Variants in GLT8D2 observed in about 807,000 individuals in gnomAD.
GLT8D2 encodes the protein glycosyltransferase 8 domain containing 2, also known as glycosyltransferase 8 domain-containing protein 2.
A neutral mutation model predicts 44.5 loss-of-function variants in GLT8D2; 45 were observed. That is an observed-to-expected ratio of 1.01 (90% CI 0.80 to 1.30). The LOEUF (loss-of-function observed/expected upper bound fraction) is 1.30, where lower values mean the gene tolerates loss of function less well. Among genes scored for constraint, GLT8D2 ranks in the 50% most tolerant of loss-of-function variants. The pLI, the probability that GLT8D2 is intolerant of heterozygous loss-of-function variation, is 0.00. For synonymous variants in GLT8D2, 156 were observed against 157.2 expected (o/e 0.99, Z 0.06); for missense variants, 400 against 430.4 (o/e 0.93, Z 0.62).
intron 1 of GLT8D2, among the ~76,000 whole-genome samples, chr12:104,034,486 A>G (rs1327966705): frequency 1.3e-5 from 2 of 152,266 alleles, no homozygotes; most frequent in African/African-American, 2.4e-5. Context: ...CCAGGAGATT[A>G]CATCCTGTGC....
intron 1 of GLT8D2, among the ~76,000 whole-genome samples, chr12:104,021,811 GAAAGA>G (rs1009080211): frequency 4.2e-5 from 6 of 142,882 alleles, no homozygotes; most frequent in Non-Finnish European, 7.6e-5. Flanking sequence ...AGACAGAGAA[GAAAGA>G]AAAGAAAAGA....
intron 1 of GLT8D2, among the ~76,000 whole-genome samples, chr12:104,040,449 G>A (rs1029026482): frequency 7.2e-5 from 11 of 151,832 alleles, no homozygotes; most frequent in Non-Finnish European, 1.0e-4. Context: ...CTTTTGGGAC[G>A]AAGTCTTGTT....
At chr12:104,023,674 G>A (rs528490758) in intron 1 of GLT8D2, among the ~76,000 whole-genome samples, 5 of 152,146 alleles carry the variant, frequency 3.3e-5, no homozygotes, top group African/African-American at 9.6e-5. Flanking sequence ...CCCTTGCACC[G>A]CCACTTTGTA....
At chr12:104,028,996 A>G (rs892942554) in intron 1 of GLT8D2, among the ~76,000 whole-genome samples, 25 of 152,106 alleles carry the variant, frequency 1.6e-4, no homozygotes, top group African/African-American at 5.8e-4. Flanking sequence ...AATGAAATGG[A>G]AAGTGTGAAC....
intron 1 of GLT8D2, 35 bp from the exon 2 acceptor site, chr12:104,021,526 G>C (rs1344052786): frequency 6.6e-6 from 1 of 152,314 alleles, no homozygotes; most frequent in East Asian, 1.9e-4. Context: ...ACTGGGCGTG[G>C]TGGCTCACTT....
At chr12:104,011,463 A>G (rs1875815821) in intron 4 of GLT8D2, among the ~76,000 whole-genome samples, 1 of 152,144 alleles carries the variant, frequency 6.6e-6, no homozygotes, top group Non-Finnish European at 1.5e-5. Flanking sequence ...TCAGAATTCC[A>G]TTTCAAATAA....
rs1873483661 is a variant in GLT8D2 at position 103,996,809 on chromosome 12, C to T, written c.526G>A (p.Gly176Ser). 6.2e-7 allele frequency: 1 copy of T among 1,614,046 alleles called. No individual in the cohort carries two copies. The highest frequency in any genetic ancestry group is 8.5e-7 in the Non-Finnish European group (1 of 1,179,954). ...QELYDTTLAL[G>S]HAAAFSDDCD... is the part of the protein sequence containing the mutation. ...TCATCTGAGAAAGCCGCCGCGTGGC[C>T]CAGGGCCAAGGTGGTGTCATACAGT... is the stretch of plus-strand genomic sequence containing the variant. Residue 176 changes from glycine to serine, a missense_variant, in exon 8 of 11, where the codon GGC becomes AGC. Physicochemically the swap from Gly to Ser is moderately conservative, Grantham distance 56 (BLOSUM62 0). Coordinates refer to ENST00000360814, the MANE Select transcript of GLT8D2 (RefSeq NM_001384711.1).
intron 1 of GLT8D2, among the ~76,000 whole-genome samples, chr12:104,046,644 T>C (rs1881178700): frequency 6.6e-6 from 1 of 152,210 alleles, no homozygotes; most frequent in Non-Finnish European, 1.5e-5. Context: ...GAGCACTTCA[T>C]TTTAAGCTAT....
intron 1 of GLT8D2, among the ~76,000 whole-genome samples, chr12:104,056,850 C>G (rs1172236090): frequency 2.0e-5 from 3 of 152,254 alleles, no homozygotes; most frequent in African/African-American, 4.8e-5. Context: ...CACTGGACAT[C>G]TGTTATTTAG....
chr12:104,021,880 A>AAGG (rs1436374385), intron 1 of GLT8D2, among the ~76,000 whole-genome samples: 2 of 6,826 alleles, frequency 2.9e-4, no homozygotes, highest in Non-Finnish European at 2.6e-4. Flanking sequence ...GAAGAAGAAG[A>AAGG]AGAAGAAGAA....
intron 8 of GLT8D2, among the ~76,000 whole-genome samples, chr12:103,995,298 CTA>C (rs917898303): frequency 6.6e-6 from 1 of 152,184 alleles, no homozygotes; most frequent in African/African-American, 2.4e-5. Context: ...CTGCCATACC[CTA>C]TATCATCTGA....
At chr12:103,993,663 A>G (rs1173098733) in intron 9 of GLT8D2, among the ~76,000 whole-genome samples, 159 bp from the exon 10 acceptor site, 1 of 152,230 alleles carries the variant, frequency 6.6e-6, no homozygotes, top group Non-Finnish European at 1.5e-5. Flanking sequence ...AAAATTGTCA[A>G]ACATACACAA....
intron 1 of GLT8D2, among the ~76,000 whole-genome samples, chr12:104,048,860 C>A (rs1463895861): frequency 6.6e-6 from 1 of 152,176 alleles, no homozygotes; most frequent in Non-Finnish European, 1.5e-5. Flanking sequence ...GACATTAGGT[C>A]ATGTAATTTC....
chr12:104,033,126 C>A (rs191579356), intron 1 of GLT8D2, among the ~76,000 whole-genome samples: 4 of 152,080 alleles, frequency 2.6e-5, no homozygotes, highest in African/African-American at 4.8e-5. Context: ...AGGTGATCTG[C>A]CCACCTCAGC....
intron 3 of GLT8D2, 24 bp downstream of exon 3, chr12:104,019,606 T>C (rs1237671518): frequency 6.3e-7 from 1 of 1,584,318 alleles, no homozygotes; most frequent in Non-Finnish European, 8.7e-7. Context: ...TTTAAATCAT[T>C]ATTTTCAAAA....
At chr12:104,053,229 G>A (rs1261816134), upstream of GLT8D2, among the ~76,000 whole-genome samples, 1 of 152,186 alleles carries the variant, frequency 6.6e-6, no homozygotes, top group Non-Finnish European at 1.5e-5. Context: ...CCACCTAGCA[G>A]AATGTTATAG....
At chr12:104,036,391 T>A (rs1879932779) in intron 1 of GLT8D2, among the ~76,000 whole-genome samples, 2 of 152,006 alleles carry the variant, frequency 1.3e-5, no homozygotes, top group Admixed American at 1.3e-4. Flanking sequence ...TCAAGACCCA[T>A]CAGTGTGCTG....
chr12:104,011,101 T>C (rs183662692), intron 4 of GLT8D2, among the ~76,000 whole-genome samples: 2 of 152,342 alleles, frequency 1.3e-5, no homozygotes, highest in African/African-American at 4.8e-5. Flanking sequence ...CCAAAAATAC[T>C]GCTCTCTGCC....
chr12:104,012,517 G>A (rs1875999258), intron 4 of GLT8D2: 1 of 309,222 alleles, frequency 3.2e-6, no homozygotes, highest in African/African-American at 2.1e-5. Flanking sequence ...TTATTTTCCT[G>A]AAGAAGGGAG....
Sources: gnomAD v4.1 joint callset for allele counts (sites outside exome capture counted in the v4.1 genomes callset) on GRCh38, gnomAD v4.1.1 for gene constraint, MANE v1.5 for transcripts, NCBI Gene and HGNC (gene_info 2026-07-23, HGNC 2026-07-21) for gene names.